MYPN: variants seen among roughly 807,000 people sequenced by gnomAD.
MYPN encodes the protein myopalladin, also known as sarcomeric protein myopalladin, 145 kDa (MYOP).
Under a neutral mutation model 129.4 loss-of-function variants are expected in MYPN, and 63 were observed. The ratio of observed to expected loss-of-function variants is 0.49; its 90% CI spans 0.40 to 0.60. The LOEUF (loss-of-function observed/expected upper bound fraction) is 0.60. Ranked by LOEUF, MYPN falls within the 20% of genes least tolerant of loss-of-function variation. MYPN has a pLI of 0.00. For missense variants in MYPN, 1,596 were observed against 1,635.4 expected (o/e 0.98, Z 0.42); for synonymous variants, 629 against 600.9 (o/e 1.05, Z -0.68).
chr10:68,143,107 A>C lies in MYPN; in HGVS notation c.1070A>C (p.Tyr357Ser). The C allele has an allele frequency of 6.2e-7, 1 of 1,613,968 alleles. No homozygotes were observed. Among genetic ancestry groups the C allele is most frequent in the Non-Finnish European group, 8.5e-7 (1 of 1,179,932 alleles). ...ACAGATTCGACTTCTGCTGAGATTT[A>C]TATAGAAGGTAAAACAAAATGCTCT... ...YGTDSTSAEIYIEGVSSSDSE... is the reference protein window; with the variant it reads ...YGTDSTSAEISIEGVSSSDSE... The change falls in exon 3 of 20, where the codon TAT (tyrosine) becomes TCT (serine). Residue 357 changes from tyrosine (Y) to serine (S), a missense_variant. By Grantham distance (144) the Tyr-to-Ser change is moderately radical (BLOSUM62 -2). Transcript: ENST00000358913.
chr10:68,168,376 C>T (rs1331860545), intron 10 of MYPN, among the ~76,000 whole-genome samples: 1 of 152,088 alleles, frequency 6.6e-6, no homozygotes, highest in African/African-American at 2.4e-5. Flanking sequence ...ACTGTCTCTT[C>T]CCCAGTAACA....
intron 1 of MYPN, chr10:68,114,439 C>T (rs1333864365): frequency 6.6e-6 from 1 of 150,796 alleles, no homozygotes; most frequent in Non-Finnish European, 1.5e-5. Context: ...ACTTTTGCCT[C>T]CTAGGTTCAA....
At chr10:68,166,199 A>G in intron 9 of MYPN, 95 bp from the exon 10 acceptor site, 1 of 1,430,238 alleles carries the variant, frequency 7.0e-7, no homozygotes. Context: ...TCCCATTCAT[A>G]CATTCCTCTG....
chr10:68,211,122 A>G lies in MYPN; in HGVS notation c.*667A>G. ...GCACAGTGCACTTATTTTGTGGCCA[A>G]AGCATGGCCTTACCAGCTTGTCTGC... On this transcript the variant is annotated 3_prime_UTR_variant, in exon 20 of 20. Transcript: ENST00000358913. The G allele has an allele frequency of 2.2e-6, 1 of 454,126 alleles. No homozygotes were observed. Among genetic ancestry groups the G allele is most frequent in the Non-Finnish European group, 4.4e-6 (1 of 226,788 alleles). The allele number at this position is 454,126 out of a possible 1,614,324, so 28.1% of individuals were successfully genotyped here. A position where few individuals can be genotyped will look rare whatever the true frequency, so the allele number is the denominator to read the frequency against.
chr10:68,202,349 C>T (rs971691646), intron 18 of MYPN, among the ~76,000 whole-genome samples: 8 of 151,954 alleles, frequency 5.3e-5, no homozygotes, highest in South Asian at 2.1e-4. Flanking sequence ...AGGAGAATGG[C>T]GTGAACCTGG....
At chr10:68,152,959 T>G (rs963306443) in intron 6 of MYPN, among the ~76,000 whole-genome samples, 24 of 138,668 alleles carry the variant, frequency 1.7e-4, no homozygotes, top group South Asian at 2.4e-4. Flanking sequence ...TTTATGTTAT[T>G]TTATTTTATT....
chr10:68,150,167 A>G (rs1024099009), intron 6 of MYPN, 56 bp downstream of exon 6: 102 of 1,377,554 alleles, frequency 7.4e-5, no homozygotes, highest in Non-Finnish European at 1.0e-4. Context: ...CAGCACCCAA[A>G]GTTATAGGAT....
Position 68,161,202 on chromosome 10 carries a change from T to C in MYPN, c.1460-527T>C, listed in dbSNP as rs188719780. Among the ~76,000 whole-genome samples the C allele has an allele frequency of 1.5e-3, 231 of 152,250 alleles. 2 individuals are homozygous for C. Among genetic ancestry groups the C allele is most frequent in the African/African-American group, 5.3e-3 (219 of 41,556 alleles). On this transcript the variant is annotated intron_variant, in intron 7 of 19. Transcript: ENST00000358913. The stretch of plus-strand genomic sequence containing the variant: ...TTCAAGAGGAAGCAGTATCATTTAA[T>C]TGTTGCTCTTGGGCAAGGCACAGTG...
At chr10:68,103,202 A>G (rs76877918), upstream of MYPN, among the ~76,000 whole-genome samples, 5,745 of 152,290 alleles carry the variant, frequency 0.038, 360 homozygotes, top group African/African-American at 0.13. Context: ...GAACTTGGAT[A>G]AGGATATAAG....
Position 68,174,854 on chromosome 10 carries a change from G to T in MYPN, c.2564+198G>T, listed in dbSNP as rs564233568. The stretch of plus-strand genomic sequence containing the variant: ...TGATTATTAATAATTAAAATATCAG[G>T]CTAGGTGTGGTAACTCATGCCTGTA... On this transcript the variant is annotated intron_variant, in intron 11 of 19. Transcript: ENST00000358913. Among the ~76,000 whole-genome samples the T allele has an allele frequency of 3.9e-5, 6 of 152,288 alleles. No individual in the cohort carries two copies. The East Asian group carries it at 1.2e-3, about 29-fold the overall frequency.
intron 10 of MYPN, 25 bp from the exon 11 acceptor site, chr10:68,174,041 C>G (rs1220445812): frequency 6.5e-7 from 1 of 1,541,888 alleles, no homozygotes. Context: ...TTCCTTCTCT[C>G]TCTCCACCCT....
chr10:68,148,159 T>C (rs548216524), intron 4 of MYPN, among the ~76,000 whole-genome samples, 194 bp from the exon 5 acceptor site: 1 of 152,336 alleles, frequency 6.6e-6, no homozygotes, highest in South Asian at 2.1e-4. Context: ...TGGTGTCTTA[T>C]GCATTTTCGT....
intron 2 of MYPN, among the ~76,000 whole-genome samples, chr10:68,127,453 G>A (rs12774397): frequency 0.085 from 12,604 of 147,846 alleles, 644 homozygotes; most frequent in Non-Finnish European, 0.13. Flanking sequence ...TTCTGCCTCA[G>A]CCTCCTGAGT....
Position 68,197,472 on chromosome 10 carries a change from C to A in MYPN, c.3279C>A (p.Asp1093Glu). The change falls in exon 16 of 20, where the codon GAC becomes GAA. Residue 1093 changes from aspartate to glutamate, a missense_variant. Coordinates refer to ENST00000358913, the MANE Select transcript of MYPN (RefSeq NM_032578.4). Reference sequence around the variant, plus strand: ...ATGAGGGGCGCCTCTGTCGGCTGGACTGTAAGGTAGACTCCAGCACCCATG... The same window carrying A: ...ATGAGGGGCGCCTCTGTCGGCTGGAATGTAAGGTAGACTCCAGCACCCATG... ...VAHEGRLCRLDCKVSGLPPPE... is the reference protein window; with the variant it reads ...VAHEGRLCRLECKVSGLPPPE... 6.2e-7 allele frequency: 1 copy of A among 1,613,598 alleles called. No homozygotes were observed. The highest frequency in any genetic ancestry group is 2.2e-5 in the East Asian group (1 of 44,858).
In MYPN at chr10:68,210,462, C is replaced by G; in HGVS notation, c.*7C>G. ...GGAGAGTGATGAACTTTAAGAATGT[C>G]TAGGTACCTGCTGTGTAAGAGAGCG... is the stretch of plus-strand genomic sequence containing the variant. On this transcript the variant is annotated 3_prime_UTR_variant, in exon 20 of 20. Transcript: ENST00000358913. 2 of 1,613,952 alleles carry G rather than the reference C, an allele frequency of 1.2e-6. No homozygotes were observed. The highest frequency in any genetic ancestry group is 1.7e-6 in the Non-Finnish European group (2 of 1,179,940).
chr10:68,193,797 G>GCACACACACACACACA (rs368376657), intron 13 of MYPN, among the ~76,000 whole-genome samples: 1 of 127,604 alleles, frequency 7.8e-6, no homozygotes, highest in Non-Finnish European at 1.7e-5. Context: ...ATGTGTATGT[G>GCACACACACACACACA]CACACACACA....
intron 1 of MYPN, among the ~76,000 whole-genome samples, chr10:68,098,612 G>A (rs1275077964): frequency 5.3e-5 from 8 of 152,052 alleles, no homozygotes; most frequent in African/African-American, 4.8e-5. Flanking sequence ...TTGGGAGGCC[G>A]AGGCGGGCGG....
At chr10:68,140,077 C>T (rs1448661806) in intron 2 of MYPN, among the ~76,000 whole-genome samples, 1 of 152,144 alleles carries the variant, frequency 6.6e-6, no homozygotes, top group Non-Finnish European at 1.5e-5. Context: ...GACATTTGAG[C>T]TGAGGTCTGA....
chr10:68,123,944 T>G (rs1045943191), intron 2 of MYPN, among the ~76,000 whole-genome samples: 1 of 152,176 alleles, frequency 6.6e-6, no homozygotes, highest in African/African-American at 2.4e-5. Context: ...TAAAGTCAAT[T>G]TAAAGATTCA....
Sources: allele counts gnomAD v4.1 joint callset (sites outside exome capture counted in the v4.1 genomes callset), GRCh38; gene constraint gnomAD v4.1.1; transcripts MANE v1.5; gene names NCBI Gene and HGNC (gene_info 2026-07-23, HGNC 2026-07-21).